The following CDC42EP3 variants were observed in gnomAD, a reference collection of about 807,000 sequenced individuals.
CDC42EP3 encodes the protein CDC42 effector protein 3.
Under a neutral mutation model 15.5 loss-of-function variants are expected in CDC42EP3, and 4 were observed. The observed-to-expected ratio is 0.26, with a 90% CI of 0.13 to 0.59. The LOEUF is 0.59. Among genes scored for constraint, CDC42EP3 ranks in the 20% least tolerant of loss-of-function variants. The pLI is 0.89. For missense variants in CDC42EP3, 309 were observed against 311.2 expected (o/e 0.99, Z 0.05); for synonymous variants, 145 against 130.3 (o/e 1.11, Z -0.77).
rs1055420763 is a variant in CDC42EP3 at position 37,659,987 on chromosome 2, C to G, written c.-236+11439G>C. On this transcript the variant is annotated intron_variant, in intron 1 of 1. Transcript: ENST00000295324. ...AACTATGAGCCAGCCCTGTAAGACG[C>G]AGAAGCCCTGATACACTGGGTACCA... is the stretch of plus-strand genomic sequence containing the variant. 3.3e-5 allele frequency among the ~76,000 whole-genome samples: 5 copies of G among 152,300 alleles called. No individual in the cohort carries two copies. In the South Asian group the frequency reaches 1.0e-3, roughly 32 times the overall value.
At chr2:37,652,111 C>T (rs1349914756) in intron 1 of CDC42EP3, among the ~76,000 whole-genome samples, 5 of 123,488 alleles carry the variant, frequency 4.0e-5, no homozygotes, top group African/African-American at 1.2e-4. Flanking sequence ...GGAGGCGGAG[C>T]TTGCAGTGAG....
intron 1 of CDC42EP3, among the ~76,000 whole-genome samples, chr2:37,664,291 C>G (rs369360977): frequency 6.6e-6 from 1 of 152,202 alleles, no homozygotes; most frequent in Non-Finnish European, 1.5e-5. Context: ...ACATCAGACT[C>G]CAAGTTCTTC....
chr2:37,650,167 C>T (rs1665622419), intron 1 of CDC42EP3, among the ~76,000 whole-genome samples: 1 of 152,096 alleles, frequency 6.6e-6, no homozygotes, highest in Non-Finnish European at 1.5e-5. Flanking sequence ...TGTTCTCTTC[C>T]TCCCCAGCTC....
At chr2:37,671,012 G>C (rs1245646244) in intron 1 of CDC42EP3, among the ~76,000 whole-genome samples, 1 of 152,266 alleles carries the variant, frequency 6.6e-6, no homozygotes, top group African/African-American at 2.4e-5. Flanking sequence ...GGCAGGCGAT[G>C]CCACGGCAGA....
At position 37,646,797 on chromosome 2, in the gene CDC42EP3, C is replaced by T. The variant is rs1367967574; in HGVS notation, c.-210G>A. On this transcript the variant is annotated 5_prime_UTR_variant, in exon 2 of 2. Transcript: ENST00000295324. ...TTCCTAGAGAGCCAGTTACATCATC[C>T]AGTCTTGACCACAACCAGGACAAAC... 1 of 501,970 alleles carries T rather than the reference C, an allele frequency of 2.0e-6. No individual in the cohort carries two copies. Among genetic ancestry groups the T allele is most frequent in the African/African-American group, 2.0e-5 (1 of 50,958 alleles). 31.1% of individuals were successfully genotyped at this position (501,970 alleles called of 1,614,324 possible).
intron 1 of CDC42EP3, among the ~76,000 whole-genome samples, chr2:37,670,024 T>C (rs186880297): frequency 6.6e-6 from 1 of 151,978 alleles, no homozygotes; most frequent in Non-Finnish European, 1.5e-5. Flanking sequence ...TATGAAAGAG[T>C]AGACTTCTGG....
In CDC42EP3 at chr2:37,649,292, A is replaced by G. The variant is rs542985913; in HGVS notation, c.-235-2470T>C. Among the ~76,000 whole-genome samples, 15 of 151,562 alleles carry G rather than the reference A, an allele frequency of 9.9e-5. No individual in the cohort carries two copies. In the East Asian group the frequency reaches 2.9e-3, roughly 30 times the overall value. On this transcript the variant is annotated intron_variant, in intron 1 of 1. Coordinates refer to ENST00000295324, the MANE Select transcript of CDC42EP3 (RefSeq NM_006449.5). ...ATAATGGGACCTCATCTCTACAAAA[A>G]CTTTCTTAAAAAATTAGCTGAGAAT...
At chr2:37,653,537 T>C (rs1309071569) in intron 1 of CDC42EP3, among the ~76,000 whole-genome samples, 1 of 152,092 alleles carries the variant, frequency 6.6e-6, no homozygotes, top group Non-Finnish European at 1.5e-5. Context: ...GCTGAAAATA[T>C]CAAAACAGGG....
chr2:37,664,107 G>T (rs1666177024), intron 1 of CDC42EP3, among the ~76,000 whole-genome samples: 3 of 152,194 alleles, frequency 2.0e-5, no homozygotes, highest in Non-Finnish European at 4.4e-5. Flanking sequence ...CTGGGAGGCG[G>T]AGCTTGCAGT....
rs377408253 is a variant in CDC42EP3 at position 37,646,341 on chromosome 2, C to G, written c.247G>C (p.Glu83Gln). Residue 83 changes from glutamate (E) to glutamine (Q), a missense_variant, in exon 2 of 2, where the codon GAG becomes CAG. Transcript: ENST00000295324. ...AHLGQFPGHN[E>Q]FFRANSTSDS... ...GAGGTGCTGTTGGCCCGGAAGAACT[C>G]ATTATGCCCAGGGAACTGGCCCAGG... 5.6e-6 allele frequency: 9 copies of G among 1,613,978 alleles called. No individual in the cohort carries two copies. Among genetic ancestry groups the G allele is most frequent in the East Asian group, 2.2e-5 (1 of 44,886 alleles).
upstream of CDC42EP3, chr2:37,672,653 A>T (rs1666471356): frequency 1.3e-5 from 2 of 152,168 alleles, no homozygotes; most frequent in African/African-American, 4.8e-5. Flanking sequence ...CGGCCTGGGG[A>T]AGGAGTAGGC....
chr2:37,670,790 C>A (rs1038024343), intron 1 of CDC42EP3, among the ~76,000 whole-genome samples: 1 of 68,658 alleles, frequency 1.5e-5, no homozygotes, highest in African/African-American at 3.8e-5. Flanking sequence ...TAATTCATAA[C>A]GAAAAAATGG....
intron 1 of CDC42EP3, among the ~76,000 whole-genome samples, chr2:37,654,333 G>T (rs191531595): frequency 2.5e-4 from 38 of 152,270 alleles, no homozygotes; most frequent in African/African-American, 8.9e-4. Flanking sequence ...TAGGACATGT[G>T]AGAAGAGGCT....
In CDC42EP3 at chr2:37,666,934, A is replaced by G. The variant is rs1020815505; in HGVS notation, c.-236+4492T>C. Among the ~76,000 whole-genome samples the G allele has an allele frequency of 3.3e-5, 5 of 152,082 alleles. No individual in the cohort carries two copies. The South Asian group carries it at 1.0e-3, about 32-fold the overall frequency. On this transcript the variant is annotated intron_variant, in intron 1 of 1. Transcript: ENST00000295324. ...GCCTTTAAGAGGTGGGGACAGGAGA[A>G]GATTTCAAATGGAATTGGACAGCTC...
chr2:37,652,090 G>C (rs1337232870), intron 1 of CDC42EP3, among the ~76,000 whole-genome samples: 1 of 140,276 alleles, frequency 7.1e-6, no homozygotes, highest in African/African-American at 2.7e-5. Context: ...CAGGAGAATG[G>C]CATGAACCCG....
intron 1 of CDC42EP3, among the ~76,000 whole-genome samples, chr2:37,661,456 G>T (rs1019064917): frequency 2.6e-5 from 4 of 152,198 alleles, no homozygotes; most frequent in African/African-American, 7.2e-5. Context: ...ATAAACAGGA[G>T]ACGTAGAGGG....
At chr2:37,671,177 AC>A (rs2124643133) in intron 1 of CDC42EP3, among the ~76,000 whole-genome samples, 1 of 152,270 alleles carries the variant, frequency 6.6e-6, no homozygotes, top group East Asian at 1.9e-4. Context: ...GCGCAGCCCC[AC>A]CCTGAAAAGT....
chr2:37,652,174 CAAAAAAAAA>C (rs61407687), intron 1 of CDC42EP3, among the ~76,000 whole-genome samples: 3 of 39,120 alleles, frequency 7.7e-5, no homozygotes, highest in Admixed American at 3.9e-4. Flanking sequence ...GACTCCCTCT[CAAAAAAAAA>C]AAAAAAAAAA....
intron 1 of CDC42EP3, among the ~76,000 whole-genome samples, chr2:37,667,716 G>C (rs1433259331): frequency 6.6e-6 from 1 of 152,216 alleles, no homozygotes; most frequent in Non-Finnish European, 1.5e-5. Flanking sequence ...TCAACTGTGA[G>C]ATACAGGGTG....
Sources: allele counts gnomAD v4.1 joint callset (sites outside exome capture counted in the v4.1 genomes callset), GRCh38; gene constraint gnomAD v4.1.1; transcripts MANE v1.5; gene names NCBI Gene and HGNC (gene_info 2026-07-23, HGNC 2026-07-21).